Variants in PTPRN2 observed in about 807,000 individuals in gnomAD.
The protein encoded by PTPRN2 is receptor-type tyrosine-protein phosphatase N2.
PTPRN2 carries 74 observed loss-of-function variants against 118.8 expected under a neutral mutation model. The ratio of observed to expected loss-of-function variants is 0.62; its 90% CI spans 0.52 to 0.76. PTPRN2 has a LOEUF of 0.76. Among genes scored for constraint, PTPRN2 ranks in the 30% least tolerant of loss-of-function variants. The pLI is 0.00. For synonymous variants in PTPRN2, 641 were observed against 608.0 expected, an observed-to-expected ratio of 1.05 and a Z score of -0.80; for missense variants, 1,481 against 1,394.4, an observed-to-expected ratio of 1.06 and a Z score of -0.99.
At chr7:158,268,306 G>A (rs1189522303) in intron 3 of PTPRN2, among the ~76,000 whole-genome samples, 1 of 149,172 alleles carries the variant, frequency 6.7e-6, no homozygotes. Flanking sequence ...CGGGGCGGGT[G>A]TGAAATATCC....
chr7:157,707,482 C>T (rs1005807333), intron 12 of PTPRN2, among the ~76,000 whole-genome samples: 8 of 152,246 alleles, frequency 5.3e-5, no homozygotes, highest in African/African-American at 1.9e-4. Flanking sequence ...AAGTACCCTT[C>T]AGGGATGGCA....
intron 16 of PTPRN2, among the ~76,000 whole-genome samples, chr7:157,599,689 C>T (rs1015044133): frequency 2.0e-5 from 3 of 152,240 alleles, no homozygotes; most frequent in Non-Finnish European, 4.4e-5. Flanking sequence ...CCAGTTTCTG[C>T]TCCCAAACCA....
At chr7:157,635,554 G>C (rs1804259304) in intron 14 of PTPRN2, among the ~76,000 whole-genome samples, 1 of 152,266 alleles carries the variant, frequency 6.6e-6, no homozygotes, top group South Asian at 2.1e-4. Context: ...AGGGGGAGAA[G>C]GGTACAGATC....
chr7:158,495,744 T>A lies in PTPRN2; in HGVS notation c.113-5959A>T, dbSNP rs185686459. 2.4e-3 allele frequency among the ~76,000 whole-genome samples: 361 copies of A among 152,150 alleles called. 5 individuals are homozygous for A. The highest frequency in any genetic ancestry group is 3.4e-3 in the Middle Eastern group (1 of 294). On this transcript the variant is annotated intron_variant, in intron 1 of 22. Transcript: ENST00000389418. ...AGGAATCAGCCTGAAAAGTGAGAGA[T>A]TAAAGCGCCTCAGCCCGGAGGCGGG...
chr7:158,195,635 ATCCT>A (rs1385298657), intron 4 of PTPRN2, among the ~76,000 whole-genome samples: 1 of 145,508 alleles, frequency 6.9e-6, no homozygotes, highest in Non-Finnish European at 1.5e-5. Context: ...TTTTTTAATT[ATCCT>A]TCCTTGTTTC....
chr7:157,637,735 C>T (rs1283827003), intron 14 of PTPRN2, among the ~76,000 whole-genome samples: 3 of 152,178 alleles, frequency 2.0e-5, no homozygotes, highest in African/African-American at 7.2e-5. Flanking sequence ...AACAGGGAGA[C>T]CTTTCAGAAG....
intron 11 of PTPRN2, among the ~76,000 whole-genome samples, chr7:157,979,955 G>A (rs1585127594): frequency 6.6e-6 from 1 of 152,196 alleles, no homozygotes; most frequent in Admixed American, 6.5e-5. Flanking sequence ...TGAGTTCGGG[G>A]TAGTGTGTTG....
At chr7:157,907,089 A>G (rs189979529) in intron 11 of PTPRN2, among the ~76,000 whole-genome samples, 51 of 152,320 alleles carry the variant, frequency 3.3e-4, no homozygotes, top group African/African-American at 1.1e-3. Context: ...ATCTGTGCTG[A>G]TGTCACACTT....
intron 12 of PTPRN2, among the ~76,000 whole-genome samples, chr7:157,730,820 C>G (rs1410521002): frequency 6.6e-6 from 1 of 152,166 alleles, no homozygotes; most frequent in African/African-American, 2.4e-5. Flanking sequence ...CGGAGACATG[C>G]AAGCCACAGG....
chr7:157,663,196 G>A (rs1795979109), intron 13 of PTPRN2, among the ~76,000 whole-genome samples: 1 of 152,118 alleles, frequency 6.6e-6, no homozygotes, highest in African/African-American at 2.4e-5. Context: ...GGTACGGCAG[G>A]GGTGGCAAGG....
chr7:157,887,698 CTGCTCCATTACCTACT>C (rs1796558337), intron 12 of PTPRN2, among the ~76,000 whole-genome samples: 2 of 22,960 alleles, frequency 8.7e-5, no homozygotes, highest in East Asian at 9.7e-4. Flanking sequence ...CCCCCAGTAA[CTGCTCCATTACCTACT>C]CCCCCCAGTA....
At chr7:158,384,476 C>A (rs1811183747) in intron 2 of PTPRN2, among the ~76,000 whole-genome samples, 1 of 152,162 alleles carries the variant, frequency 6.6e-6, no homozygotes, top group South Asian at 2.1e-4. Context: ...TGTGAGAGGG[C>A]AGGGGCTCCT....
chr7:158,320,554 GCGCCGGGTGGCGTCCGTGTTCC>G (rs1802923415), intron 2 of PTPRN2, among the ~76,000 whole-genome samples: 3 of 143,404 alleles, frequency 2.1e-5, no homozygotes, highest in Admixed American at 6.8e-5. Context: ...GTCCTCGGCA[GCGCCGGGTGGCGTCCGTGTTCC>G]CACGTCCTCG....
intron 19 of PTPRN2, among the ~76,000 whole-genome samples, chr7:157,575,637 A>G (rs1012574768): frequency 6.6e-6 from 1 of 152,260 alleles, no homozygotes; most frequent in Non-Finnish European, 1.5e-5. Flanking sequence ...CAGAGAATTC[A>G]AAAATCGCTT....
rs796676252 is a variant in PTPRN2, at chr7:157,622,255, G to A, written c.2197-746C>T. 2.5e-4 allele frequency among the ~76,000 whole-genome samples: 38 copies of A among 152,090 alleles called. No homozygotes were observed. The highest frequency in any genetic ancestry group is 8.7e-4 in the African/African-American group (36 of 41,494). ...ACAGGAAGTGACGGCCTCGTCTGCT[G>A]TCACTCTGCTTGTGGATTTGCAAGG... is the stretch of plus-strand genomic sequence containing the variant. On this transcript the variant is annotated intron_variant, in intron 14 of 22. Coordinates refer to ENST00000389418, the MANE Select transcript of PTPRN2 (RefSeq NM_002847.5). This position sits in a 1 kb window ranked among gnomAD's most constrained non-coding sequence, Gnocchi z 5.3.
At chr7:158,424,482 T>G (rs565835934) in intron 2 of PTPRN2, among the ~76,000 whole-genome samples, 35 of 151,522 alleles carry the variant, frequency 2.3e-4, no homozygotes, top group Non-Finnish European at 3.7e-4. Context: ...CCACCGGAGA[T>G]GAATATTAGT....
At chr7:158,006,307 AC>A (rs1281485088) in intron 11 of PTPRN2, among the ~76,000 whole-genome samples, 1 of 152,190 alleles carries the variant, frequency 6.6e-6, no homozygotes, top group Non-Finnish European at 1.5e-5. Flanking sequence ...ATCGATTTTT[AC>A]CAACTTTTCC....
At chr7:157,687,137 G>C (rs571388198) in intron 12 of PTPRN2, among the ~76,000 whole-genome samples, 1 of 152,008 alleles carries the variant, frequency 6.6e-6, no homozygotes, top group Non-Finnish European at 1.5e-5. Context: ...AAATTATTTT[G>C]ACCGTGCCCC....
chr7:157,962,048 C>T (rs933260561), intron 11 of PTPRN2, among the ~76,000 whole-genome samples: 34 of 152,216 alleles, frequency 2.2e-4, no homozygotes, highest in African/African-American at 7.5e-4. Context: ...GGCGGGTGCA[C>T]ACAAGCGGCG....
Sources: gnomAD v4.1 joint callset for allele counts (sites outside exome capture counted in the v4.1 genomes callset) on GRCh38, gnomAD v4.1.1 for gene constraint, Gnocchi (gnomAD v3.1) non-coding constraint, MANE v1.5 for transcripts, NCBI Gene and HGNC (gene_info 2026-07-23, HGNC 2026-07-21) for gene names.